Variants in DAB1 observed in about 807,000 individuals in gnomAD.
DAB1 encodes the protein DAB adaptor protein 1.
DAB1 carries 15 observed loss-of-function variants against 64.6 expected under a neutral mutation model. The ratio of observed to expected loss-of-function variants is 0.23; its 90% CI spans 0.16 to 0.36. The LOEUF is 0.36. DAB1 is among the 10% of genes least tolerant of loss of function. The pLI, the probability that DAB1 is intolerant of heterozygous loss-of-function variation, is 1.00. For synonymous variants in DAB1, 235 were observed against 251.9 expected, an observed-to-expected ratio of 0.93 and a Z score of 0.64; for missense variants, 596 against 706.7, an observed-to-expected ratio of 0.84 and a Z score of 1.78.
In DAB1 at chr1:57,739,061, G is replaced by A. The variant is rs191743542; in HGVS notation, n.552-89396C>T. On this transcript the variant is annotated intron_variant and non_coding_transcript_variant, in intron 6 of 20. Coordinates refer to the DAB1 transcript ENST00000485760. Reference sequence around the variant, plus strand: ...CTGTCTCCTGAGCAGGATGGCTAGGGGGCTGTCAGCTAATACATATTTGTG... The same window carrying A: ...CTGTCTCCTGAGCAGGATGGCTAGGAGGCTGTCAGCTAATACATATTTGTG... Among the ~76,000 whole-genome samples the A allele has an allele frequency of 9.5e-4, 144 of 152,220 alleles. 1 individual carries two copies. The highest frequency in any genetic ancestry group is 1.6e-3 in the Non-Finnish European group (110 of 68,020).
intron 7 of DAB1, among the ~76,000 whole-genome samples, chr1:57,614,078 T>C (rs572568882): frequency 1.3e-5 from 2 of 152,272 alleles, no homozygotes; most frequent in East Asian, 3.9e-4. Flanking sequence ...CCGTAATGAA[T>C]TGGCAAGTAT....
At chr1:57,821,954 T>C (rs958351698), downstream of DAB1, among the ~76,000 whole-genome samples, 3 of 152,160 alleles carry the variant, frequency 2.0e-5, no homozygotes, top group African/African-American at 7.2e-5. Flanking sequence ...GTAGAATTTA[T>C]CCTCAAAACT....
chr1:58,243,310 C>G lies in DAB1; in HGVS notation n.310-92722G>C, dbSNP rs1660381678. Among the ~76,000 whole-genome samples, 2 of 151,988 alleles carry G rather than the reference C, an allele frequency of 1.3e-5. 1 individual carries two copies. The highest frequency in any genetic ancestry group is 1.3e-4 in the Admixed American group (2 of 15,252). On this transcript the variant is annotated intron_variant and non_coding_transcript_variant, in intron 4 of 20. Coordinates refer to the DAB1 transcript ENST00000485760. The stretch of plus-strand genomic sequence containing the variant: ...TTAAGTAAACAAAAAGCCTCAACAC[C>G]TATGACTCAGAGCTCATTTCAGAAA...
At chr1:57,620,544 C>A (rs1460095059) in intron 7 of DAB1, among the ~76,000 whole-genome samples, 4 of 152,168 alleles carry the variant, frequency 2.6e-5, no homozygotes, top group African/African-American at 9.7e-5. Flanking sequence ...CCCGCAGATA[C>A]AACTATCAGC....
At chr1:57,317,331 A>G (rs1570260566) in intron 1 of DAB1, among the ~76,000 whole-genome samples, 2 of 152,132 alleles carry the variant, frequency 1.3e-5, no homozygotes, top group Non-Finnish European at 2.9e-5. Flanking sequence ...GAGCAAGGGG[A>G]CCCAACTCAA....
chr1:58,128,205 T>A (rs1297609112), intron 5 of DAB1, among the ~76,000 whole-genome samples: 1 of 151,980 alleles, frequency 6.6e-6, no homozygotes, highest in Non-Finnish European at 1.5e-5. Flanking sequence ...CTAGGTATTT[T>A]ATTCTCTTTG....
chr1:57,326,424 G>A (rs985789518), intron 1 of DAB1, among the ~76,000 whole-genome samples: 5 of 152,170 alleles, frequency 3.3e-5, no homozygotes, highest in East Asian at 3.9e-4. Flanking sequence ...TTGATTCTAC[G>A]GACAGGTGAC....
At chr1:58,186,682 T>G in intron 4 of DAB1, among the ~76,000 whole-genome samples, 1 of 152,198 alleles carries the variant, frequency 6.6e-6, no homozygotes, top group East Asian at 1.9e-4. Context: ...AATTATTTAG[T>G]GTGAGAGTCA....
At chr1:58,243,704 ACT>A (rs1660403375) in intron 4 of DAB1, among the ~76,000 whole-genome samples, 1 of 152,126 alleles carries the variant, frequency 6.6e-6, no homozygotes, top group East Asian at 1.9e-4. Context: ...GGTGCCTTTC[ACT>A]CTCAAAGTGA....
rs142666390 is a variant in DAB1, at chr1:57,872,621, G to A, written n.87+11378C>T. Among the ~76,000 whole-genome samples the A allele has an allele frequency of 1.2e-4, 19 of 152,254 alleles. No individual in the cohort carries two copies. In the East Asian group the frequency reaches 2.5e-3, roughly 20 times the overall value. On this transcript the variant is annotated intron_variant and non_coding_transcript_variant, in intron 1 of 1. Coordinates refer to the DAB1 transcript ENST00000477280. The stretch of plus-strand genomic sequence containing the variant: ...CCCATTCCTCATCTTCAAGGGGTCC[G>A]CAGTCCCCATTGGGAGAACAACATG...
chr1:58,437,554 C>T (rs1644958577), intron 3 of DAB1, among the ~76,000 whole-genome samples: 1 of 152,162 alleles, frequency 6.6e-6, no homozygotes, highest in African/African-American at 2.4e-5. Flanking sequence ...CACATATCAC[C>T]ACCTGAGACA....
At chr1:57,376,293 A>C (rs1244554909) in intron 1 of DAB1, among the ~76,000 whole-genome samples, 1 of 152,176 alleles carries the variant, frequency 6.6e-6, no homozygotes, top group South Asian at 2.1e-4. Context: ...CTGATCATCA[A>C]TGGGCAAGGA....
chr1:57,182,466 G>A (rs1031246122), intron 2 of DAB1, among the ~76,000 whole-genome samples: 6 of 152,172 alleles, frequency 3.9e-5, no homozygotes, highest in African/African-American at 1.4e-4. Context: ...ACAACTGCCT[G>A]TGCACTCTAC....
intron 1 of DAB1, among the ~76,000 whole-genome samples, chr1:57,841,996 C>A (rs1653074347): frequency 6.6e-6 from 1 of 152,148 alleles, no homozygotes; most frequent in Non-Finnish European, 1.5e-5. Flanking sequence ...GCTCTGCTTC[C>A]TTTTTAAACG....
intron 5 of DAB1, among the ~76,000 whole-genome samples, chr1:58,023,224 A>G (rs1191631122): frequency 6.6e-6 from 1 of 152,120 alleles, no homozygotes; most frequent in Non-Finnish European, 1.5e-5. Flanking sequence ...CAAATATAAA[A>G]TAACAGCTCT....
At chr1:57,317,239 A>G (rs955145400) in intron 1 of DAB1, among the ~76,000 whole-genome samples, 3 of 152,170 alleles carry the variant, frequency 2.0e-5, no homozygotes, top group African/African-American at 7.2e-5. Flanking sequence ...GTGAGCCTGG[A>G]AACAGATCCA....
intron 4 of DAB1, among the ~76,000 whole-genome samples, chr1:58,277,228 C>T (rs950271516): frequency 1.3e-5 from 2 of 151,632 alleles, no homozygotes; most frequent in Non-Finnish European, 2.9e-5. Context: ...TTAATAGAGA[C>T]GGGGTTTCAC....
intron 6 of DAB1, among the ~76,000 whole-genome samples, chr1:57,707,758 G>T (rs1239063143): frequency 6.6e-6 from 1 of 152,082 alleles, no homozygotes; most frequent in African/African-American, 2.4e-5. Context: ...TCTTAAGAGG[G>T]CTTTCTATGA....
At chr1:58,150,961 C>A (rs1011822423) in intron 4 of DAB1, among the ~76,000 whole-genome samples, 1 of 152,112 alleles carries the variant, frequency 6.6e-6, no homozygotes, top group Non-Finnish European at 1.5e-5. Flanking sequence ...TTTGTCCTTG[C>A]GATAGTTTGC....
Sources: allele counts gnomAD v4.1 joint callset (sites outside exome capture counted in the v4.1 genomes callset), GRCh38; gene constraint gnomAD v4.1.1; transcripts MANE v1.5; gene names NCBI Gene and HGNC (gene_info 2026-07-23, HGNC 2026-07-21).